STXBP5L: variants seen among roughly 807,000 people sequenced by gnomAD.
STXBP5L encodes syntaxin binding protein 5L, also known as syntaxin-binding protein 5-like.
In STXBP5L, 65 loss-of-function variants were observed where a neutral mutation model predicts 144.5. That is an observed-to-expected ratio of 0.45 (90% CI 0.37 to 0.55). The LOEUF (loss-of-function observed/expected upper bound fraction) is 0.55, where lower values mean the gene tolerates loss of function less well. Among genes scored for constraint, STXBP5L ranks in the 20% least tolerant of loss-of-function variants. STXBP5L has a pLI of 0.00. For missense variants in STXBP5L, 1,298 were observed against 1,405.5 expected, an observed-to-expected ratio of 0.92 and a Z score of 1.22; for synonymous variants, 505 against 469.6, an observed-to-expected ratio of 1.08 and a Z score of -0.97.
At chr3:121,383,651 G>C (rs1005591459) in intron 22 of STXBP5L, among the ~76,000 whole-genome samples, 2 of 152,078 alleles carry the variant, frequency 1.3e-5, no homozygotes, top group Admixed American at 6.6e-5. Flanking sequence ...AAGTCTACTT[G>C]GGAGCCATAA....
intron 15 of STXBP5L, among the ~76,000 whole-genome samples, chr3:121,251,725 T>C (rs1013826840): frequency 2.8e-4 from 42 of 152,114 alleles, no homozygotes; most frequent in African/African-American, 9.7e-4. Flanking sequence ...TTTGAAGCTG[T>C]AGAAATGAAT....
chr3:121,052,943 A>G (rs1294394908), intron 5 of STXBP5L, among the ~76,000 whole-genome samples: 1 of 152,230 alleles, frequency 6.6e-6, no homozygotes, highest in Non-Finnish European at 1.5e-5. Context: ...GCATTCTTAT[A>G]CACAAATAAC....
chr3:121,080,154 T>C (rs753197909), intron 5 of STXBP5L, among the ~76,000 whole-genome samples: 1 of 152,200 alleles, frequency 6.6e-6, no homozygotes, highest in Non-Finnish European at 1.5e-5. Context: ...GTTCTGCTCA[T>C]TTTTGGTTTC....
chr3:121,012,384 G>A (rs1944840190), intron 3 of STXBP5L, among the ~76,000 whole-genome samples: 1 of 151,764 alleles, frequency 6.6e-6, no homozygotes, highest in Admixed American at 6.6e-5. Flanking sequence ...ATGAGGAGCT[G>A]CTATTATTGA....
chr3:121,353,020 C>T (rs2045358082), intron 20 of STXBP5L, among the ~76,000 whole-genome samples: 1 of 152,128 alleles, frequency 6.6e-6, no homozygotes, highest in Non-Finnish European at 1.5e-5. Context: ...CATTGCATCC[C>T]AGGGAGGAAG....
intron 20 of STXBP5L, among the ~76,000 whole-genome samples, chr3:121,320,965 C>G (rs1468342140): frequency 2.0e-5 from 3 of 152,162 alleles, no homozygotes; most frequent in Non-Finnish European, 2.9e-5. Flanking sequence ...TCCCAAAGTG[C>G]TGGGATTACA....
chr3:121,097,250 G>T (rs1042113975), intron 5 of STXBP5L, among the ~76,000 whole-genome samples: 1 of 152,154 alleles, frequency 6.6e-6, no homozygotes, highest in Non-Finnish European at 1.5e-5. Flanking sequence ...TCAAGCCAGT[G>T]GGGGTGGGAC....
chr3:121,373,853 C>T (rs888641975), intron 20 of STXBP5L, among the ~76,000 whole-genome samples: 3 of 152,184 alleles, frequency 2.0e-5, no homozygotes, highest in African/African-American at 7.2e-5. Context: ...GTGCACTCCA[C>T]TCAGGCACCA....
intron 5 of STXBP5L, among the ~76,000 whole-genome samples, chr3:121,079,960 A>G (rs188404576): frequency 3.9e-5 from 6 of 152,022 alleles, no homozygotes; most frequent in African/African-American, 1.4e-4. Flanking sequence ...TGTCTATTTT[A>G]TTTCTTAGGT....
intron 3 of STXBP5L, among the ~76,000 whole-genome samples, chr3:120,973,171 A>G (rs555994661): frequency 4.5e-4 from 68 of 152,234 alleles, no homozygotes; most frequent in African/African-American, 1.6e-3. Flanking sequence ...TAAATGTGGT[A>G]TAATTCAGCT....
intron 5 of STXBP5L, among the ~76,000 whole-genome samples, chr3:121,056,425 C>G (rs922379649): frequency 3.3e-5 from 5 of 152,212 alleles, no homozygotes; most frequent in Admixed American, 2.0e-4. Flanking sequence ...CTGCTACTTA[C>G]TATCAGAGAA....
intron 5 of STXBP5L, among the ~76,000 whole-genome samples, chr3:121,094,200 T>C (rs2042989060): frequency 6.6e-6 from 1 of 152,174 alleles, no homozygotes; most frequent in Non-Finnish European, 1.5e-5. Context: ...AACTATGTGG[T>C]CAATTTTGGA....
Position 121,045,460 on chromosome 3 carries a change from A to G in STXBP5L, c.395A>G (p.Asp132Gly), listed in dbSNP as rs1576762353. 5 of 1,613,216 alleles carry G rather than the reference A, an allele frequency of 3.1e-6. No homozygotes were observed. Among genetic ancestry groups the G allele is most frequent in the Non-Finnish European group, 4.2e-6 (5 of 1,179,488 alleles). The change falls in exon 5 of 27, where the codon GAT (aspartate) becomes GGT (glycine). Residue 132 changes from aspartate to glycine, a missense_variant. Coordinates refer to ENST00000471454, the MANE Select transcript of STXBP5L (RefSeq NM_001308330.2). ...NEGALVSASS[D>G]DTLHLWNLRQ... ...GGTGCCTTGGTCAGTGCAAGTTCAG[A>G]TGATACACTTCATTTGTGGAACCTT...
chr3:121,087,489 T>G (rs2042554021), intron 5 of STXBP5L, among the ~76,000 whole-genome samples: 1 of 152,048 alleles, frequency 6.6e-6, no homozygotes, highest in Non-Finnish European at 1.5e-5. Context: ...CATAATATAG[T>G]GTCTTCTTTC....
chr3:120,911,515 C>T (rs929880199), intron 2 of STXBP5L, among the ~76,000 whole-genome samples: 9 of 152,060 alleles, frequency 5.9e-5, no homozygotes, highest in African/African-American at 1.4e-4. Flanking sequence ...TGTATCTGCT[C>T]TCCTTAACTA....
chr3:121,087,657 A>G (rs1009021048), intron 5 of STXBP5L, among the ~76,000 whole-genome samples: 10 of 152,004 alleles, frequency 6.6e-5, no homozygotes, highest in African/African-American at 2.4e-4. Context: ...TAATGTTTAC[A>G]TTAGATATAA....
At position 121,223,074 on chromosome 3, in the gene STXBP5L, T is replaced by C. The variant is rs1444011427; in HGVS notation, c.1028T>C (p.Met343Thr). 2 of 1,613,138 alleles carry C rather than the reference T, an allele frequency of 1.2e-6. No homozygotes were observed. The highest frequency in any genetic ancestry group is 1.7e-6 in the Non-Finnish European group (2 of 1,179,592). The change falls in exon 11 of 27, where the codon ATG becomes ACG. Residue 343 changes from methionine (M) to threonine (T), a missense_variant. Physicochemically the swap from Met to Thr is moderately conservative, Grantham distance 81. Transcript: ENST00000471454. ...KACRRPSLTI[M>T]HGKAITVLEM... ...TGTAGAAGACCAAGTTTAACCATCATGCATGGAAAAGCAATTACAGTACTT... is the reference window on the plus strand; with the variant it reads ...TGTAGAAGACCAAGTTTAACCATCACGCATGGAAAAGCAATTACAGTACTT...
At chr3:121,349,232 G>A (rs1339705809) in intron 20 of STXBP5L, among the ~76,000 whole-genome samples, 3 of 152,086 alleles carry the variant, frequency 2.0e-5, no homozygotes, top group South Asian at 2.1e-4. Context: ...AGTCATTCAG[G>A]AGCAGGTTGT....
At chr3:120,909,935 G>A (rs767276362) in intron 2 of STXBP5L, among the ~76,000 whole-genome samples, 168 bp downstream of exon 2, 2 of 152,142 alleles carry the variant, frequency 1.3e-5, no homozygotes, top group Non-Finnish European at 2.9e-5. Context: ...TATTTTAGGC[G>A]TCAACTTAAA....
Sources: gnomAD v4.1 joint callset for allele counts (sites outside exome capture counted in the v4.1 genomes callset) on GRCh38, gnomAD v4.1.1 for gene constraint, MANE v1.5 for transcripts, NCBI Gene and HGNC (gene_info 2026-07-23, HGNC 2026-07-21) for gene names.